Variants in SLIT3 observed in about 807,000 individuals in gnomAD.
SLIT3 encodes slit guidance ligand 3.
Under a neutral mutation model 184.0 loss-of-function variants are expected in SLIT3, and 68 were observed. The ratio of observed to expected loss-of-function variants is 0.37; its 90% CI spans 0.30 to 0.45. The LOEUF (loss-of-function observed/expected upper bound fraction) is 0.45, where lower values mean the gene tolerates loss of function less well. Ranked by LOEUF, SLIT3 falls within the 20% of genes least tolerant of loss-of-function variation. The pLI is 1.00. For missense variants in SLIT3, 1,707 were observed against 2,026.0 expected (o/e 0.84, Z 3.02); for synonymous variants, 831 against 828.6 (o/e 1.00, Z -0.05).
intron 15 of SLIT3, among the ~76,000 whole-genome samples, chr5:168,761,348 C>A (rs1755141213): frequency 6.6e-6 from 1 of 152,186 alleles, no homozygotes; most frequent in African/African-American, 2.4e-5. Flanking sequence ...CTACCAGGAG[C>A]AGCTCGGGAA....
At chr5:169,172,300 A>C (rs1267588956) in intron 4 of SLIT3, among the ~76,000 whole-genome samples, 2 of 152,206 alleles carry the variant, frequency 1.3e-5, no homozygotes, top group African/African-American at 4.8e-5. Flanking sequence ...GGGTCCTTTT[A>C]TGTCAGTTTA....
At chr5:169,292,176 T>G (rs2094423235) in intron 1 of SLIT3, among the ~76,000 whole-genome samples, 1 of 152,192 alleles carries the variant, frequency 6.6e-6, no homozygotes, top group Admixed American at 6.5e-5. Context: ...TCACTGTGTT[T>G]AAAAACCTGA....
intron 5 of SLIT3, among the ~76,000 whole-genome samples, chr5:168,851,914 T>C (rs950028081): frequency 1.3e-5 from 2 of 152,220 alleles, no homozygotes; most frequent in Non-Finnish European, 2.9e-5. Flanking sequence ...CTGCAGCTTC[T>C]GTAAAATGGG....
chr5:168,893,680 A>G (rs1760555885), intron 4 of SLIT3, among the ~76,000 whole-genome samples: 1 of 152,178 alleles, frequency 6.6e-6, no homozygotes, highest in Non-Finnish European at 1.5e-5. Context: ...TTCCCATGCC[A>G]AAAAGCTTTT....
intron 18 of SLIT3, among the ~76,000 whole-genome samples, chr5:168,750,064 T>C (rs1256593737): frequency 2.0e-5 from 3 of 152,202 alleles, no homozygotes; most frequent in Non-Finnish European, 4.4e-5. Flanking sequence ...AGCCCTATCA[T>C]ATCTTTTCCC....
intron 32 of SLIT3, among the ~76,000 whole-genome samples, chr5:168,680,467 A>T (rs1761552874): frequency 6.6e-6 from 1 of 152,242 alleles, no homozygotes; most frequent in Non-Finnish European, 1.5e-5. Flanking sequence ...ACCCAGGCTG[A>T]CATCCTCACT....
At chr5:168,666,722 G>T (rs1761062608) in intron 35 of SLIT3, 33 bp from the exon 36 acceptor site, 6 of 1,613,622 alleles carry the variant, frequency 3.7e-6, no homozygotes, top group Non-Finnish European at 8.5e-7. Context: ...GGCATTGGTG[G>T]TCTAGGTGGC....
intron 16 of SLIT3, among the ~76,000 whole-genome samples, chr5:168,760,332 G>A (rs1383350508): frequency 6.6e-6 from 1 of 152,176 alleles, no homozygotes; most frequent in African/African-American, 2.4e-5. Flanking sequence ...GCCAACATAG[G>A]CAAGTGGGCC....
In SLIT3 at chr5:168,692,701, C is replaced by G. The variant is rs988600754; in HGVS notation, c.3083-1G>C. The G allele has an allele frequency of 6.2e-7, 1 of 1,613,064 alleles. No homozygotes were observed. Among genetic ancestry groups the G allele is most frequent in the Non-Finnish European group, 8.5e-7 (1 of 1,179,122 alleles). ...TCAATCACCTCGTCGCATAGCTCACCTGGCACAGATGGGGGAGATAGCTCA... is the reference window on the plus strand; with the variant it reads ...TCAATCACCTCGTCGCATAGCTCACGTGGCACAGATGGGGGAGATAGCTCA... On this transcript the variant is annotated splice_acceptor_variant, in intron 28 of 35. Transcript: ENST00000519560. LOFTEE classifies it high-confidence loss of function.
intron 4 of SLIT3, among the ~76,000 whole-genome samples, chr5:168,945,550 A>T (rs1046561854): frequency 2.0e-5 from 3 of 152,214 alleles, no homozygotes; most frequent in Non-Finnish European, 4.4e-5. Context: ...ATCCGGTCTT[A>T]GGCAAGAGAG....
In SLIT3 at chr5:168,666,527, T is replaced by A; in HGVS notation, c.4499A>T (p.Gln1500Leu). The A allele has an allele frequency of 6.2e-7, 1 of 1,612,888 alleles. No individual in the cohort carries two copies. The highest frequency in any genetic ancestry group is 8.5e-7 in the Non-Finnish European group (1 of 1,179,726). ...TRSKRRKYVF[Q>L]CTDGSSFVEE... ...TACAAACGAGGAGCCGTCCGTGCACTGGAAGACGTATTTCCGCCGCTTGCT... is the reference window on the plus strand; with the variant it reads ...TACAAACGAGGAGCCGTCCGTGCACAGGAAGACGTATTTCCGCCGCTTGCT... Residue 1500 changes from glutamine to leucine, a missense_variant, in exon 36 of 36, where the codon CAG (glutamine) becomes CTG (leucine). Transcript: ENST00000519560.
At chr5:169,078,405 C>T (rs141858538) in intron 4 of SLIT3, among the ~76,000 whole-genome samples, 71 of 152,170 alleles carry the variant, frequency 4.7e-4, no homozygotes, top group African/African-American at 1.6e-3. Context: ...TACCCACCAC[C>T]GATAAAGTGA....
intron 4 of SLIT3, among the ~76,000 whole-genome samples, chr5:168,912,736 T>C (rs1255575136): frequency 6.6e-6 from 1 of 152,008 alleles, no homozygotes; most frequent in Non-Finnish European, 1.5e-5. Context: ...GAAACTAGGG[T>C]TTGCCCATGG....
chr5:169,065,187 TATA>T (rs1293583329), intron 4 of SLIT3, among the ~76,000 whole-genome samples: 1 of 152,190 alleles, frequency 6.6e-6, no homozygotes, highest in Non-Finnish European at 1.5e-5. Context: ...TAGATGTGCA[TATA>T]AAGTAAGACC....
At chr5:169,161,746 A>C (rs920703858) in intron 4 of SLIT3, among the ~76,000 whole-genome samples, 1 of 150,124 alleles carries the variant, frequency 6.7e-6, no homozygotes, top group Non-Finnish European at 1.5e-5. Context: ...GTAACCTGGG[A>C]ATGGGGAAGA....
intron 4 of SLIT3, among the ~76,000 whole-genome samples, chr5:169,163,977 A>G (rs1262884118): frequency 6.6e-6 from 1 of 152,160 alleles, no homozygotes; most frequent in Non-Finnish European, 1.5e-5. Context: ...CAGAGTGCAA[A>G]GGGGAGACCA....
Position 168,944,282 on chromosome 5 carries a change from G to A in SLIT3, c.414-60946C>T, listed in dbSNP as rs188543405. Among the ~76,000 whole-genome samples the A allele has an allele frequency of 5.7e-3, 873 of 151,976 alleles. 5 individuals carry two copies. The highest frequency in any genetic ancestry group is 0.024 in the Middle Eastern group (7 of 294). ...AGAGTCAGATAGCTGTGTCTTGTGG[G>A]GCAGGGTGTTAGCAGGAGAGGAGTG... is the stretch of plus-strand genomic sequence containing the variant. On this transcript the variant is annotated intron_variant, in intron 4 of 35. Coordinates refer to ENST00000519560, the MANE Select transcript of SLIT3 (RefSeq NM_003062.4).
intron 4 of SLIT3, 140 bp downstream of exon 4, chr5:169,193,339 T>C (rs992701219): frequency 8.3e-6 from 6 of 722,510 alleles, no homozygotes; most frequent in South Asian, 1.5e-5. Context: ...GTAGACGTCA[T>C]GTCAAAGCCC....
chr5:168,904,225 T>C (rs547952229), intron 4 of SLIT3, among the ~76,000 whole-genome samples: 1 of 152,264 alleles, frequency 6.6e-6, no homozygotes, highest in South Asian at 2.1e-4. Context: ...CCATGCCAAC[T>C]TGGGGATCAC....
Sources: allele counts gnomAD v4.1 joint callset (sites outside exome capture counted in the v4.1 genomes callset), GRCh38; gene constraint gnomAD v4.1.1; transcripts MANE v1.5; gene names NCBI Gene and HGNC (gene_info 2026-07-23, HGNC 2026-07-21).